Variants in P2RX5 observed in about 807,000 individuals in gnomAD.
P2RX5 encodes the protein P2X purinoceptor 5.
P2RX5 carries 46 observed loss-of-function variants against 54.1 expected under a neutral mutation model. The ratio of observed to expected loss-of-function variants is 0.85; its 90% confidence interval spans 0.67 to 1.09. The LOEUF (loss-of-function observed/expected upper bound fraction) is 1.09. Among genes scored for constraint, P2RX5 ranks in the 50% least tolerant of loss-of-function variants. The pLI is 0.00. For missense variants in P2RX5, 566 were observed against 549.8 expected (o/e 1.03, Z -0.29); for synonymous variants, 226 against 226.4 (o/e 1.00, Z 0.02).
At position 3,674,303 on chromosome 17, in the gene P2RX5, G is replaced by A. The variant is rs568165409; in HGVS notation, c.1260-426C>T. 7.3e-5 allele frequency among the ~76,000 whole-genome samples: 11 copies of A among 149,912 alleles called. No homozygotes were observed. The South Asian group carries it at 2.1e-3, about 29-fold the overall frequency. ...TCCCATCCAGCCTGGGCGATAAAGC[G>A]AGACTCCGTCTCAAAAAATTAAAAA... On this transcript the variant is annotated intron_variant, in intron 11 of 11. Transcript: ENST00000225328.
At chr17:3,680,329 ATCCTCCACCCTGC>A (rs2050224432) in intron 10 of P2RX5, among the ~76,000 whole-genome samples, 1 of 36,182 alleles carries the variant, frequency 2.8e-5, no homozygotes, top group Non-Finnish European at 5.3e-5. Flanking sequence ...TCCACCCTGC[ATCCTCCACCCTGC>A]GTCCTCCACC....
At chr17:3,684,139 G>A (rs1021444324) in intron 9 of P2RX5, among the ~76,000 whole-genome samples, 1 of 152,222 alleles carries the variant, frequency 6.6e-6, no homozygotes, top group Non-Finnish European at 1.5e-5. Context: ...CCTGTGAGCC[G>A]CTCCCGGCCC....
chr17:3,719,319 T>A, the P2RX5 span, among the ~76,000 whole-genome samples: 1 of 151,650 alleles, frequency 6.6e-6, no homozygotes, highest in Non-Finnish European at 1.5e-5. Context: ...TTGGCATGTC[T>A]AGAGAATTGC....
intron 9 of P2RX5, among the ~76,000 whole-genome samples, chr17:3,685,141 G>A (rs1306532002): frequency 6.6e-6 from 1 of 151,520 alleles, no homozygotes; most frequent in African/African-American, 2.4e-5. Flanking sequence ...CACTGCGCCC[G>A]GCCTAATCCT....
the P2RX5 span, among the ~76,000 whole-genome samples, chr17:3,719,723 T>TA: frequency 6.6e-6 from 1 of 151,632 alleles, no homozygotes; most frequent in Non-Finnish European, 1.5e-5. Context: ...GTAATTCATT[T>TA]TTTATTTATT....
Position 3,673,652 on chromosome 17 carries a change from G to A in P2RX5, c.*216C>T. The A allele has an allele frequency of 6.9e-7, 1 of 1,443,732 alleles. No individual in the cohort carries two copies. The allele number at this position is 1,443,732 out of a possible 1,614,324, so 89.4% of individuals were successfully genotyped here. A position where few individuals can be genotyped will look rare whatever the true frequency, so the allele number is the denominator to read the frequency against. ...GGAAGAACTGACGGCAGGGGGTGGGGCAAAAAGACAGCCATGATGGGTCCG... is the reference window on the plus strand; with the variant it reads ...GGAAGAACTGACGGCAGGGGGTGGGACAAAAAGACAGCCATGATGGGTCCG... On this transcript the variant is annotated 3_prime_UTR_variant, in exon 12 of 12. Transcript: ENST00000225328.
the P2RX5 span, among the ~76,000 whole-genome samples, chr17:3,708,301 A>C: frequency 6.6e-6 from 1 of 152,150 alleles, no homozygotes; most frequent in East Asian, 1.9e-4. Flanking sequence ...ATCCTATTAA[A>C]GTCAAATCAC....
At chr17:3,699,079 ACACACACACACACACC>A (rs1477210581), upstream of P2RX5, among the ~76,000 whole-genome samples, 12 of 116,182 alleles carry the variant, frequency 1.0e-4, no homozygotes, top group South Asian at 8.8e-4. Flanking sequence ...ACACACACAC[ACACACACACACACACC>A]TATATATATA....
intron 6 of P2RX5, 87 bp downstream of exon 6, chr17:3,689,983 C>A (rs538183566): frequency 7.7e-6 from 9 of 1,175,696 alleles, no homozygotes; most frequent in South Asian, 7.3e-5. Flanking sequence ...CGCACACACA[C>A]CCCCAGGCAG....
intron 9 of P2RX5, among the ~76,000 whole-genome samples, chr17:3,683,271 G>T (rs1483560387): frequency 2.0e-5 from 3 of 152,164 alleles, no homozygotes; most frequent in Non-Finnish European, 4.4e-5. Context: ...CCCTGACCCT[G>T]GGTGCTGCAC....
the P2RX5 span, among the ~76,000 whole-genome samples, chr17:3,721,075 C>T: frequency 6.6e-6 from 1 of 151,054 alleles, no homozygotes; most frequent in Non-Finnish European, 1.5e-5. Context: ...ACCACAGGTG[C>T]ACCCCACCAC....
chr17:3,689,781 C>T (rs752313745), intron 6 of P2RX5, 151 bp from the exon 7 acceptor site: 5 of 981,842 alleles, frequency 5.1e-6, no homozygotes, highest in East Asian at 2.5e-5. Context: ...CGCCCCAGCA[C>T]CACCCACCGT....
At chr17:3,690,866 G>T in intron 3 of P2RX5, 90 bp downstream of exon 3, 1 of 1,271,578 alleles carries the variant, frequency 7.9e-7, no homozygotes. Context: ...CCTTGGAGTG[G>T]ACAGACACCC....
upstream of P2RX5, among the ~76,000 whole-genome samples, chr17:3,698,086 G>T (rs1424197619): frequency 6.6e-6 from 1 of 151,354 alleles, no homozygotes; most frequent in Non-Finnish European, 1.5e-5. Flanking sequence ...ATTCCACCCT[G>T]CCCCAGTCAT....
At position 3,690,515 on chromosome 17, in the gene P2RX5, T is replaced by C. The variant is rs1272643095; in HGVS notation, c.445A>G (p.Thr149Ala). Residue 149 changes from threonine (T) to alanine (A), a missense_variant, in exon 5 of 12, where the codon ACC (threonine) becomes GCC (alanine). Physicochemically the swap from Thr to Ala is moderately conservative, Grantham distance 58 (BLOSUM62 0). Transcript: ENST00000225328. The part of the protein sequence containing the change: ...EAVTAGNGVK[T>A]GRCLRRENLA... Reference sequence around the variant, plus strand: ...TTCTCTCTCCGCAGGCAGCGGCCGGTCTTCACTCCTGCAGGGGTGGGACAG... The same window carrying C: ...TTCTCTCTCCGCAGGCAGCGGCCGGCCTTCACTCCTGCAGGGGTGGGACAG... 3 of 1,613,512 alleles carry C rather than the reference T, an allele frequency of 1.9e-6. No homozygotes were observed. Among genetic ancestry groups the C allele is most frequent in the Admixed American group, 1.7e-5 (1 of 60,010 alleles).
At chr17:3,711,895 T>C in the P2RX5 span, among the ~76,000 whole-genome samples, 1 of 152,028 alleles carries the variant, frequency 6.6e-6, no homozygotes, top group Non-Finnish European at 1.5e-5. Flanking sequence ...AATCTAACCA[T>C]GTCGCACTTA....
chr17:3,699,929 A>AG (rs200303092), upstream of P2RX5, among the ~76,000 whole-genome samples: 197 of 67,470 alleles, frequency 2.9e-3, 3 homozygotes, highest in Non-Finnish European at 4.6e-3. Flanking sequence ...AAAGAAAGAA[A>AG]GAAAGAAAGA....
upstream of P2RX5, among the ~76,000 whole-genome samples, chr17:3,696,968 G>A (rs2050771344): frequency 2.6e-5 from 4 of 152,294 alleles, no homozygotes; most frequent in South Asian, 8.3e-4. Flanking sequence ...GGCTGGAAGA[G>A]ACAAGACTTG....
chr17:3,690,339 C>T, intron 5 of P2RX5, 88 bp downstream of exon 5: 1 of 1,204,734 alleles, frequency 8.3e-7, no homozygotes, highest in Non-Finnish European at 1.2e-6. Context: ...CGTGAGGCTC[C>T]CAGAGTGGGC....
Sources: allele counts gnomAD v4.1 joint callset (sites outside exome capture counted in the v4.1 genomes callset), GRCh38; gene constraint gnomAD v4.1.1; transcripts MANE v1.5; gene names NCBI Gene and HGNC (gene_info 2026-07-23, HGNC 2026-07-21).